The following ERP44 variants were observed in gnomAD, a reference collection of about 807,000 sequenced individuals.
The protein encoded by ERP44 is endoplasmic reticulum protein 44.
Under a neutral mutation model 53.4 loss-of-function variants are expected in ERP44, and 25 were observed. The ratio of observed to expected loss-of-function variants is 0.47; its 90% CI spans 0.34 to 0.65. The LOEUF (loss-of-function observed/expected upper bound fraction) is 0.65. Among genes scored for constraint, ERP44 ranks in the 30% least tolerant of loss-of-function variants. The probability of loss-of-function intolerance (pLI) is 0.01; values close to 1 mark genes in which losing one functional copy is unlikely to be tolerated. For missense variants in ERP44, 338 were observed against 493.2 expected, an observed-to-expected ratio of 0.69 and a Z score of 2.98; for synonymous variants, 145 against 161.2, an observed-to-expected ratio of 0.90 and a Z score of 0.76.
intron 1 of ERP44, among the ~76,000 whole-genome samples, chr9:100,075,191 C>T (rs568238864): frequency 6.6e-6 from 1 of 152,318 alleles, no homozygotes; most frequent in South Asian, 2.1e-4. Flanking sequence ...ATAGATGGAT[C>T]TTGGAGAATG....
intron 10 of ERP44, among the ~76,000 whole-genome samples, chr9:100,002,662 T>G (rs913157214): frequency 4.6e-5 from 7 of 152,102 alleles, no homozygotes; most frequent in African/African-American, 1.7e-4. Flanking sequence ...ATATGTTATT[T>G]GCTCTTCTCT....
At chr9:100,098,347 C>G (rs1355726731) in intron 1 of ERP44, among the ~76,000 whole-genome samples, 4 of 152,206 alleles carry the variant, frequency 2.6e-5, no homozygotes, top group Non-Finnish European at 5.9e-5. Context: ...AACCCGGGCA[C>G]CGCTTCAGGG....
At chr9:100,011,682 A>G (rs1240736771) in intron 8 of ERP44, among the ~76,000 whole-genome samples, 1 of 152,152 alleles carries the variant, frequency 6.6e-6, no homozygotes, top group Non-Finnish European at 1.5e-5. Flanking sequence ...AACAACTACA[A>G]TGACTCAAGA....
intron 1 of ERP44, among the ~76,000 whole-genome samples, chr9:100,066,802 G>A (rs531073619): frequency 7.9e-5 from 12 of 152,298 alleles, no homozygotes; most frequent in Admixed American, 3.3e-4. Flanking sequence ...TCAAGGAGCA[G>A]GAGATGTTGA....
chr9:100,000,167 A>C (rs1003500525), intron 10 of ERP44, among the ~76,000 whole-genome samples: 1 of 152,032 alleles, frequency 6.6e-6, no homozygotes, highest in Non-Finnish European at 1.5e-5. Flanking sequence ...GCAGTGGCTC[A>C]TGTCTCTAAT....
intron 10 of ERP44, among the ~76,000 whole-genome samples, chr9:99,994,695 A>G (rs770569789): frequency 6.6e-6 from 1 of 152,210 alleles, no homozygotes; most frequent in Non-Finnish European, 1.5e-5. Context: ...GTCTATTTCT[A>G]GACTCTCTCT....
chr9:99,986,642 A>G (rs1477138567), intron 10 of ERP44, among the ~76,000 whole-genome samples: 3 of 152,130 alleles, frequency 2.0e-5, no homozygotes, highest in African/African-American at 4.8e-5. Context: ...CTTCCCTTCA[A>G]TAACTCCCAC....
chr9:100,030,281 T>G (rs998357138), intron 4 of ERP44, among the ~76,000 whole-genome samples: 4 of 152,080 alleles, frequency 2.6e-5, no homozygotes, highest in East Asian at 3.9e-4. Flanking sequence ...CAGGACTCCT[T>G]TCTGGTAATA....
intron 1 of ERP44, among the ~76,000 whole-genome samples, chr9:100,067,946 G>A (rs1014985993): frequency 1.8e-4 from 27 of 151,398 alleles, no homozygotes; most frequent in African/African-American, 5.3e-4. Context: ...AGTGAGGAGC[G>A]TCTCCGCCCG....
intron 2 of ERP44, among the ~76,000 whole-genome samples, chr9:100,059,144 GT>G (rs1250436272): frequency 3.3e-5 from 5 of 152,018 alleles, no homozygotes; most frequent in Non-Finnish European, 5.9e-5. Context: ...GCATTTAAAG[GT>G]CCAGGAACAT....
At chr9:100,072,208 TTAC>T (rs1033081412) in intron 1 of ERP44, among the ~76,000 whole-genome samples, 1 of 152,166 alleles carries the variant, frequency 6.6e-6, no homozygotes, top group African/African-American at 2.4e-5. Flanking sequence ...TTGATCTTCA[TTAC>T]TACCACATAG....
intron 1 of ERP44, among the ~76,000 whole-genome samples, chr9:100,062,695 T>C (rs142508526): frequency 1.0e-3 from 152 of 152,318 alleles, no homozygotes; most frequent in African/African-American, 3.5e-3. Flanking sequence ...TCCACTCTTT[T>C]GGTTATTCTG....
chr9:100,013,332 A>G (rs974492187), intron 8 of ERP44, among the ~76,000 whole-genome samples: 7 of 152,120 alleles, frequency 4.6e-5, no homozygotes, highest in African/African-American at 1.7e-4. Context: ...TAATGGATGT[A>G]ATCTGGACTA....
chr9:100,089,769 A>G (rs1826529348), intron 1 of ERP44, among the ~76,000 whole-genome samples: 1 of 152,138 alleles, frequency 6.6e-6, no homozygotes, highest in Non-Finnish European at 1.5e-5. Context: ...ATTAGTTACT[A>G]TTGTTGATCT....
intron 10 of ERP44, among the ~76,000 whole-genome samples, chr9:100,002,504 C>T (rs549679290): frequency 2.6e-5 from 4 of 152,254 alleles, no homozygotes; most frequent in African/African-American, 9.6e-5. Context: ...GCTCTCATTT[C>T]TGAAGGACAG....
chr9:100,047,325 C>T (rs1320778844), intron 4 of ERP44, among the ~76,000 whole-genome samples: 1 of 152,166 alleles, frequency 6.6e-6, no homozygotes, highest in Non-Finnish European at 1.5e-5. Flanking sequence ...TCAAAACATA[C>T]TGCAAGACTA....
At chr9:100,048,455 TATG>T (rs1451114874) in intron 4 of ERP44, among the ~76,000 whole-genome samples, 2 of 152,150 alleles carry the variant, frequency 1.3e-5, no homozygotes, top group African/African-American at 4.8e-5. Context: ...TGAAAGATGG[TATG>T]ATGTTTCTTC....
chr9:100,060,110 A>G lies in ERP44; in HGVS notation c.120T>C (p.Asp40=), dbSNP rs1826127495. 1 of 1,475,210 alleles carries G rather than the reference A, an allele frequency of 6.8e-7. No homozygotes were observed. The highest frequency in any genetic ancestry group is 1.5e-5 in the African/African-American group (1 of 68,862). The allele number at this position is 1,475,210 out of a possible 1,614,324, so 91.4% of individuals were successfully genotyped here. ...EITSLDTENI[D]EILNNADVAL... ...TATTGAGGTACTTACTTAAAATTTC[A>G]TCTATATTCTCTGTATCAAGACTTG... is the stretch of plus-strand genomic sequence containing the variant. The change falls in exon 2 of 12, where the codon GAT becomes GAC. Residue 40 remains aspartate (D), a synonymous_variant. Transcript: ENST00000262455.
At chr9:100,063,449 G>A (rs10988959) in intron 1 of ERP44, among the ~76,000 whole-genome samples, 4 of 151,982 alleles carry the variant, frequency 2.6e-5, no homozygotes, top group African/African-American at 9.7e-5. Context: ...TCCACTAGTC[G>A]GACAAATTGT....
Sources: allele counts gnomAD v4.1 joint callset (sites outside exome capture counted in the v4.1 genomes callset), GRCh38; gene constraint gnomAD v4.1.1; transcripts MANE v1.5; gene names NCBI Gene and HGNC (gene_info 2026-07-23, HGNC 2026-07-21).